The following SPRR2G variants were observed in gnomAD, a reference collection of about 807,000 sequenced individuals.
SPRR2G encodes small proline rich protein 2G.
Under a neutral mutation model 0.7 loss-of-function variants are expected in SPRR2G, and 1 was observed. That is an observed-to-expected ratio of 1.49 (90% CI 0.53 to 7.06). The LOEUF (loss-of-function observed/expected upper bound fraction) is 7.06, where lower values mean the gene tolerates loss of function less well. Ranked by LOEUF, SPRR2G falls within the 30% of genes most tolerant of loss-of-function variation. The pLI, the probability that SPRR2G is intolerant of heterozygous loss-of-function variation, is 0.14. For synonymous variants in SPRR2G, 38 were observed against 33.9 expected (o/e 1.12, Z -0.42); for missense variants, 96 against 88.5 (o/e 1.09, Z -0.34).
At chr1:153,195,739 T>C in the SPRR2G span, among the ~76,000 whole-genome samples, 2 of 152,214 alleles carry the variant, frequency 1.3e-5, no homozygotes, top group African/African-American at 2.4e-5. Flanking sequence ...CTCAGTCTGC[T>C]CCTAAGCCTG....
upstream of SPRR2G, among the ~76,000 whole-genome samples, chr1:153,154,558 A>C (rs116196300): frequency 3.9e-3 from 593 of 151,982 alleles, 9 homozygotes; most frequent in African/African-American, 0.013. Context: ...CAGATTTTCT[A>C]TTTCTTCATG....
At chr1:153,171,643 G>C in the SPRR2G span, among the ~76,000 whole-genome samples, 2 of 152,204 alleles carry the variant, frequency 1.3e-5, no homozygotes, top group Non-Finnish European at 2.9e-5. Flanking sequence ...AATGCTGAAA[G>C]TTGACTGGAA....
the SPRR2G span, among the ~76,000 whole-genome samples, chr1:153,182,726 C>A: frequency 6.6e-6 from 1 of 152,106 alleles, no homozygotes; most frequent in African/African-American, 2.4e-5. Context: ...TGAACTCATT[C>A]TTTTTTATGG....
the SPRR2G span, among the ~76,000 whole-genome samples, chr1:153,192,313 T>C: frequency 6.6e-6 from 1 of 152,218 alleles, no homozygotes; most frequent in Non-Finnish European, 1.5e-5. Flanking sequence ...CCTTGGGAGC[T>C]AATCATATTC....
upstream of SPRR2G, among the ~76,000 whole-genome samples, chr1:153,153,508 G>C (rs540694551): frequency 6.6e-6 from 1 of 152,112 alleles, no homozygotes; most frequent in African/African-American, 2.4e-5. Flanking sequence ...TAAAACAACC[G>C]TGTAAAGCTG....
At chr1:153,157,500 T>C in the SPRR2G span, among the ~76,000 whole-genome samples, 46 of 152,190 alleles carry the variant, frequency 3.0e-4, no homozygotes, top group African/African-American at 1.1e-3. Context: ...ATAATTGATA[T>C]ATAAAAACTC....
chr1:153,153,436 A>G (rs1656513970), upstream of SPRR2G, among the ~76,000 whole-genome samples: 1 of 152,188 alleles, frequency 6.6e-6, no homozygotes, highest in Non-Finnish European at 1.5e-5. Context: ...AGAAATGGTA[A>G]TAATAATACT....
chr1:153,186,468 A>T, the SPRR2G span, among the ~76,000 whole-genome samples: 1 of 152,124 alleles, frequency 6.6e-6, no homozygotes, highest in Non-Finnish European at 1.5e-5. Flanking sequence ...CCATTATGTA[A>T]TGTCTTTCTT....
chr1:153,195,299 C>T, the SPRR2G span, among the ~76,000 whole-genome samples: 1 of 152,132 alleles, frequency 6.6e-6, no homozygotes, highest in Non-Finnish European at 1.5e-5. Context: ...AGAAAGATAC[C>T]TTCATAGACC....
the SPRR2G span, among the ~76,000 whole-genome samples, chr1:153,189,149 G>A: frequency 1.3e-5 from 2 of 152,130 alleles, no homozygotes; most frequent in African/African-American, 4.8e-5. Context: ...TCTTGAAAGA[G>A]GTTCACCAAA....
At chr1:153,199,395 G>A in the SPRR2G span, among the ~76,000 whole-genome samples, 14 of 152,344 alleles carry the variant, frequency 9.2e-5, no homozygotes, top group South Asian at 2.7e-3. Flanking sequence ...CCAACACCCA[G>A]CCAGCAGGGA....
chr1:153,198,591 G>A, the SPRR2G span, among the ~76,000 whole-genome samples: 1 of 152,156 alleles, frequency 6.6e-6, no homozygotes, highest in African/African-American at 2.4e-5. Context: ...GTGTGAGGTT[G>A]AGTAGGAAGC....
the SPRR2G span, among the ~76,000 whole-genome samples, chr1:153,164,532 G>C: frequency 6.6e-6 from 1 of 152,146 alleles, no homozygotes; most frequent in Non-Finnish European, 1.5e-5. Flanking sequence ...CAGTATCCAT[G>C]GGAGATTTGT....
At chr1:153,192,823 A>T in the SPRR2G span, among the ~76,000 whole-genome samples, 2 of 152,206 alleles carry the variant, frequency 1.3e-5, no homozygotes, top group Admixed American at 6.5e-5. Flanking sequence ...CTTTAAGCTG[A>T]CACTACTGCC....
At chr1:153,192,539 C>A in the SPRR2G span, among the ~76,000 whole-genome samples, 7 of 152,146 alleles carry the variant, frequency 4.6e-5, no homozygotes, top group Admixed American at 3.9e-4. Flanking sequence ...AAGGTCCCCC[C>A]AAATTGCACC....
chr1:153,161,412 A>G, the SPRR2G span, among the ~76,000 whole-genome samples: 1 of 66,728 alleles, frequency 1.5e-5, no homozygotes, highest in African/African-American at 3.9e-5. Context: ...CCAGTTTTTA[A>G]TTAGGTTATT....
At chr1:153,197,592 A>G in the SPRR2G span, among the ~76,000 whole-genome samples, 2 of 152,220 alleles carry the variant, frequency 1.3e-5, no homozygotes, top group Non-Finnish European at 1.5e-5. Context: ...GCAAAGAATA[A>G]TAAGAAAGCC....
the SPRR2G span, among the ~76,000 whole-genome samples, chr1:153,194,924 G>A: frequency 6.6e-6 from 1 of 152,188 alleles, no homozygotes; most frequent in Non-Finnish European, 1.5e-5. Flanking sequence ...AGGGAGAGGA[G>A]AGGGAATATC....
chr1:153,198,350 C>A, the SPRR2G span, among the ~76,000 whole-genome samples: 3 of 152,066 alleles, frequency 2.0e-5, no homozygotes, highest in African/African-American at 7.2e-5. Flanking sequence ...TAAAATTAAG[C>A]TTTTGTTTTA....
Sources: gnomAD v4.1 joint callset for allele counts (sites outside exome capture counted in the v4.1 genomes callset) on GRCh38, gnomAD v4.1.1 for gene constraint, MANE v1.5 for transcripts, NCBI Gene and HGNC (gene_info 2026-07-23, HGNC 2026-07-21) for gene names.